Variants in CRIM1 observed in about 807,000 individuals in gnomAD.
CRIM1 encodes cysteine rich transmembrane BMP regulator 1, also known as cysteine-rich motor neuron 1 protein.
A neutral mutation model predicts 116.4 loss-of-function variants in CRIM1; 32 were observed. The ratio of observed to expected loss-of-function variants is 0.27; its 90% confidence interval spans 0.21 to 0.37. CRIM1 has a LOEUF of 0.37. Among genes scored for constraint, CRIM1 ranks in the 10% least tolerant of loss-of-function variants. The pLI, the probability that CRIM1 is intolerant of heterozygous loss-of-function variation, is 1.00. For synonymous variants in CRIM1, 590 were observed against 509.2 expected, an observed-to-expected ratio of 1.16 and a Z score of -2.13; for missense variants, 1,331 against 1,354.8, an observed-to-expected ratio of 0.98 and a Z score of 0.28.
chr2:36,537,922 TAC>T (rs1426721215), intron 14 of CRIM1, among the ~76,000 whole-genome samples: 1 of 152,228 alleles, frequency 6.6e-6, no homozygotes, highest in African/African-American at 2.4e-5. Context: ...TAAAAGCCAT[TAC>T]ACTGTGAAAA....
chr2:36,395,358 A>C (rs1671945050), intron 1 of CRIM1, among the ~76,000 whole-genome samples: 2 of 152,210 alleles, frequency 1.3e-5, no homozygotes, highest in Non-Finnish European at 2.9e-5. Context: ...AAGAGGTTTA[A>C]GGTTTCTTAA....
At chr2:36,424,080 T>C (rs1454722822) in intron 2 of CRIM1, among the ~76,000 whole-genome samples, 2 of 152,222 alleles carry the variant, frequency 1.3e-5, no homozygotes, top group Admixed American at 1.3e-4. Context: ...CTAGGCATTA[T>C]GTTGGGCTAC....
At chr2:36,506,171 TCTCTCTCTCTCACACACACA>T (rs1418198678) in intron 8 of CRIM1, among the ~76,000 whole-genome samples, 3 of 85,012 alleles carry the variant, frequency 3.5e-5, no homozygotes, top group South Asian at 4.3e-4. Context: ...TCTCTCTCTC[TCTCTCTCTCTCACACACACA>T]CACACACACA....
At chr2:36,513,006 G>C (rs556629977) in intron 10 of CRIM1, among the ~76,000 whole-genome samples, 49 of 152,160 alleles carry the variant, frequency 3.2e-4, no homozygotes, top group Non-Finnish European at 6.6e-4. Flanking sequence ...TTTTTATGTT[G>C]TACTTGTCAG....
At chr2:36,411,524 A>G (rs1219495892) in intron 2 of CRIM1, among the ~76,000 whole-genome samples, 1 of 152,226 alleles carries the variant, frequency 6.6e-6, no homozygotes, top group Non-Finnish European at 1.5e-5. Context: ...TGCCGGAAGA[A>G]CATTGTATAC....
intron 1 of CRIM1, among the ~76,000 whole-genome samples, chr2:36,366,126 T>A (rs1009108149): frequency 3.9e-5 from 6 of 152,248 alleles, no homozygotes; most frequent in African/African-American, 1.4e-4. Flanking sequence ...AGGCAGATGC[T>A]TTAAATTGGC....
chr2:36,362,841 T>G (rs1669317029), intron 1 of CRIM1, among the ~76,000 whole-genome samples: 1 of 152,174 alleles, frequency 6.6e-6, no homozygotes, highest in Non-Finnish European at 1.5e-5. Flanking sequence ...CTTACCTCCC[T>G]CCTCCAGTCC....
chr2:36,435,280 G>T (rs1033221400), intron 2 of CRIM1, among the ~76,000 whole-genome samples: 5 of 151,968 alleles, frequency 3.3e-5, no homozygotes, highest in Non-Finnish European at 7.4e-5. Flanking sequence ...TGAATTCCCC[G>T]AAGTAGCTTG....
intron 14 of CRIM1, among the ~76,000 whole-genome samples, chr2:36,541,167 C>A (rs754927796): frequency 1.7e-4 from 26 of 152,082 alleles, no homozygotes; most frequent in Non-Finnish European, 3.7e-4. Flanking sequence ...TCAAGACTCA[C>A]CACCAAAGTT....
At chr2:36,530,966 C>T (rs1187177185) in intron 13 of CRIM1, among the ~76,000 whole-genome samples, 1 of 152,162 alleles carries the variant, frequency 6.6e-6, no homozygotes, top group Non-Finnish European at 1.5e-5. Context: ...CGTCTGCATC[C>T]CCAACACTTA....
At chr2:36,457,890 C>A (rs1677269302) in intron 4 of CRIM1, among the ~76,000 whole-genome samples, 1 of 152,184 alleles carries the variant, frequency 6.6e-6, no homozygotes, top group African/African-American at 2.4e-5. Flanking sequence ...ATTATAATTT[C>A]CATTCCCGAC....
chr2:36,528,475 A>G (rs1340278622), intron 13 of CRIM1, among the ~76,000 whole-genome samples: 3 of 152,222 alleles, frequency 2.0e-5, no homozygotes, highest in Non-Finnish European at 4.4e-5. Context: ...GTGAGAAAAT[A>G]GGGCTCATTT....
At chr2:36,493,538 T>A (rs575359356) in intron 7 of CRIM1, among the ~76,000 whole-genome samples, 1 of 152,310 alleles carries the variant, frequency 6.6e-6, no homozygotes, top group Non-Finnish European at 1.5e-5. Flanking sequence ...GATGGCTGTG[T>A]ATGCCTTCCA....
chr2:36,392,639 G>A (rs1259695891), intron 1 of CRIM1, among the ~76,000 whole-genome samples: 1 of 152,016 alleles, frequency 6.6e-6, no homozygotes, highest in Non-Finnish European at 1.5e-5. Context: ...TTACATTTTT[G>A]CTTTCAGTCC....
chr2:36,546,295 T>C (rs1462828903), intron 15 of CRIM1, among the ~76,000 whole-genome samples: 1 of 152,170 alleles, frequency 6.6e-6, no homozygotes, highest in Admixed American at 6.5e-5. Context: ...GCAACATTCA[T>C]TGTAAGAGAG....
intron 2 of CRIM1, among the ~76,000 whole-genome samples, chr2:36,416,504 A>G (rs1673634234): frequency 6.6e-6 from 1 of 152,156 alleles, no homozygotes; most frequent in African/African-American, 2.4e-5. Context: ...ACACATTCAG[A>G]ATTTAGAAAA....
At chr2:36,500,674 T>C (rs866015974) in intron 8 of CRIM1, among the ~76,000 whole-genome samples, 1 of 152,228 alleles carries the variant, frequency 6.6e-6, no homozygotes, top group Admixed American at 6.5e-5. Flanking sequence ...GCACAACTTA[T>C]ATATCCTTAT....
intron 5 of CRIM1, among the ~76,000 whole-genome samples, chr2:36,471,836 A>G (rs1678548752): frequency 6.6e-6 from 1 of 152,162 alleles, no homozygotes; most frequent in Non-Finnish European, 1.5e-5. Flanking sequence ...TGCAGGTTAG[A>G]CAAGTATGGA....
chr2:36,498,291 T>G (rs2125083252), intron 7 of CRIM1, among the ~76,000 whole-genome samples: 1 of 152,232 alleles, frequency 6.6e-6, no homozygotes, highest in South Asian at 2.1e-4. Context: ...AGAGTGTGAC[T>G]GGAGTCAGAC....
Sources: gnomAD v4.1 joint callset for allele counts (sites outside exome capture counted in the v4.1 genomes callset) on GRCh38, gnomAD v4.1.1 for gene constraint, MANE v1.5 for transcripts, NCBI Gene and HGNC (gene_info 2026-07-23, HGNC 2026-07-21) for gene names.